The following ASAP1 variants were observed in gnomAD, a reference collection of about 807,000 sequenced individuals.
The protein encoded by ASAP1 is arf-GAP with SH3 domain, ANK repeat and PH domain-containing protein 1.
In ASAP1, 43 loss-of-function variants were observed where a neutral mutation model predicts 145.2. The ratio of observed to expected loss-of-function variants is 0.30; its 90% CI spans 0.23 to 0.38. ASAP1 has a LOEUF of 0.38. Ranked by LOEUF, ASAP1 falls within the 10% of genes least tolerant of loss-of-function variation. The pLI is 1.00. For missense variants in ASAP1, 1,018 were observed against 1,355.3 expected, an observed-to-expected ratio of 0.75 and a Z score of 3.91; for synonymous variants, 546 against 515.5, an observed-to-expected ratio of 1.06 and a Z score of -0.80.
intron 11 of ASAP1, among the ~76,000 whole-genome samples, chr8:130,161,278 G>T (rs1030912060): frequency 2.6e-5 from 4 of 152,092 alleles, no homozygotes; most frequent in African/African-American, 7.2e-5. Context: ...TAGTGTCGAG[G>T]TAAGCTGAAC....
chr8:130,387,016 T>A (rs1473578643), intron 2 of ASAP1: 1 of 152,202 alleles, frequency 6.6e-6, no homozygotes, highest in Non-Finnish European at 1.5e-5. Context: ...CAAAAAGTTA[T>A]CCCACGTTTT....
intron 3 of ASAP1, among the ~76,000 whole-genome samples, chr8:130,338,067 C>T (rs1029192114): frequency 2.0e-5 from 3 of 152,182 alleles, no homozygotes; most frequent in Admixed American, 2.0e-4. Context: ...TGCCCTAGAT[C>T]ACATATTTGG....
chr8:130,276,728 A>ACACACTCTCTCTCTCTCTCTCTCTCTCT (rs548512902), intron 3 of ASAP1, among the ~76,000 whole-genome samples: 6 of 87,312 alleles, frequency 6.9e-5, no homozygotes, highest in Non-Finnish European at 4.4e-5. Context: ...ACACACACAC[A>ACACACTCTCTCTCTCTCTCTCTCTCTCT]CTCTCTCTCT....
chr8:130,152,811 G>C lies in ASAP1; in HGVS notation c.1011-6C>G, dbSNP rs561824153. 2.5e-6 allele frequency: 4 copies of C among 1,605,500 alleles called. No homozygotes were observed. The East Asian group carries it at 8.9e-5, about 36-fold the overall frequency. On this transcript the variant is annotated splice_polypyrimidine_tract_variant and splice_region_variant and intron_variant, in intron 12 of 29. Coordinates refer to ENST00000518721, the MANE Select transcript of ASAP1 (RefSeq NM_018482.4). ...TCTGCCATACTTTCCGGATCCTAAG[G>C]AGGAAGTCAAACACAACTAGATATA...
intron 27 of ASAP1, among the ~76,000 whole-genome samples, chr8:130,074,933 A>G (rs2097458904): frequency 6.6e-6 from 1 of 152,122 alleles, no homozygotes; most frequent in African/African-American, 2.4e-5. Flanking sequence ...GAGCTGAGGG[A>G]GCACATCAGG....
At chr8:130,396,798 G>A (rs1828551246) in intron 2 of ASAP1, among the ~76,000 whole-genome samples, 2 of 152,204 alleles carry the variant, frequency 1.3e-5, no homozygotes, top group Admixed American at 6.5e-5. Flanking sequence ...ATAATGACAG[G>A]GCGTCTGCTT....
intron 3 of ASAP1, among the ~76,000 whole-genome samples, chr8:130,334,637 G>A (rs945970303): frequency 4.6e-5 from 7 of 152,050 alleles, no homozygotes; most frequent in African/African-American, 1.4e-4. Flanking sequence ...AATTCAGAGG[G>A]AAAAAAACAC....
chr8:130,108,634 A>G (rs1023026833), intron 24 of ASAP1, among the ~76,000 whole-genome samples: 4 of 152,114 alleles, frequency 2.6e-5, no homozygotes, highest in Non-Finnish European at 4.4e-5. Context: ...CCCTGTCCCT[A>G]CTAAAAATAC....
intron 2 of ASAP1, among the ~76,000 whole-genome samples, chr8:130,396,120 T>C (rs80058714): frequency 0.041 from 6,224 of 152,230 alleles, 185 homozygotes; most frequent in African/African-American, 0.091. Flanking sequence ...CCCTGGCACT[T>C]AGTAGGTCGT....
intron 17 of ASAP1, among the ~76,000 whole-genome samples, chr8:130,124,476 G>T (rs1257442561): frequency 1.3e-5 from 2 of 152,184 alleles, no homozygotes; most frequent in Non-Finnish European, 2.9e-5. Context: ...GTGAGTCTAG[G>T]TTAAACTTTT....
chr8:130,416,180 G>T (rs959876420), intron 1 of ASAP1, among the ~76,000 whole-genome samples: 2 of 152,136 alleles, frequency 1.3e-5, no homozygotes, highest in Admixed American at 6.5e-5. Context: ...CCCCACTAGT[G>T]TCGCCAACTC....
Position 130,060,860 on chromosome 8 carries a change from G to A in ASAP1, c.2911C>T (p.Leu971=), listed in dbSNP as rs764321312. ...ELPPKPQLGD[L]PPKPQLSDLP... ...TCTGAGAGTTGGGGTTTGGGTGGCA[G>A]GTCCCCCAGCTGTGGTTTGGGGGGC... Residue 971 remains leucine (L), a synonymous_variant, in exon 28 of 30, where the codon CTG becomes TTG. Transcript: ENST00000518721. 2 of 1,613,958 alleles carry A rather than the reference G, an allele frequency of 1.2e-6. No individual in the cohort carries two copies. Among genetic ancestry groups the A allele is most frequent in the East Asian group, 4.5e-5 (2 of 44,872 alleles).
rs192256665 is a variant in ASAP1 at position 130,055,349 on chromosome 8, C to G, written c.3316-544G>C. On this transcript the variant is annotated intron_variant, in intron 29 of 29. Coordinates refer to ENST00000518721, the MANE Select transcript of ASAP1 (RefSeq NM_018482.4). Reference sequence around the variant, plus strand: ...AGGCTGCTATGGCACCTGGCCAATCCCAGTACTATTACCTATTCCTAGTTG... The same window carrying G: ...AGGCTGCTATGGCACCTGGCCAATCGCAGTACTATTACCTATTCCTAGTTG... Among the ~76,000 whole-genome samples the G allele has an allele frequency of 5.6e-4, 85 of 151,252 alleles. 1 individual carries two copies. Among genetic ancestry groups the G allele is most frequent in the Admixed American group, 5.4e-3 (82 of 15,190 alleles).
rs541744473 is a variant in ASAP1 at position 130,356,545 on chromosome 8, G to C, written c.186+1472C>G. Among the ~76,000 whole-genome samples, 3 of 151,930 alleles carry C rather than the reference G, an allele frequency of 2.0e-5. No individual in the cohort carries two copies. In the South Asian group the frequency reaches 6.2e-4, roughly 32 times the overall value. The stretch of plus-strand genomic sequence containing the variant: ...GGCAGTTCACAAAGACAAAAAAAAA[G>C]AAAAAAGAAAAGAAAAAATCCATTT... On this transcript the variant is annotated intron_variant, in intron 3 of 29. Transcript: ENST00000518721.
intron 3 of ASAP1, among the ~76,000 whole-genome samples, chr8:130,312,753 T>TG (rs772948769): frequency 1.8e-4 from 28 of 152,366 alleles, no homozygotes; most frequent in South Asian, 4.1e-4. Context: ...GTTCAACCAC[T>TG]GTAGTAACAA....
chr8:130,258,819 C>T (rs1360424985), intron 3 of ASAP1, among the ~76,000 whole-genome samples: 1 of 152,184 alleles, frequency 6.6e-6, no homozygotes, highest in Non-Finnish European at 1.5e-5. Context: ...AAATAGATAA[C>T]ATACGTGGTG....
chr8:130,327,133 TTC>T (rs1438451466), intron 3 of ASAP1, among the ~76,000 whole-genome samples: 1 of 152,196 alleles, frequency 6.6e-6, no homozygotes, highest in African/African-American at 2.4e-5. Context: ...CACTCTATCT[TTC>T]TGAGCAGATG....
Position 130,112,230 on chromosome 8 carries a change from T to A in ASAP1, c.2265A>T (p.Gly755=), listed in dbSNP as rs369250753. 6.2e-7 allele frequency: 1 copy of A among 1,614,172 alleles called. No homozygotes were observed. The highest frequency in any genetic ancestry group is 8.5e-7 in the Non-Finnish European group (1 of 1,180,022). The change falls in exon 24 of 30, where the codon GGA becomes GGT. Residue 755 remains glycine (G), a synonymous_variant. Coordinates refer to ENST00000518721, the MANE Select transcript of ASAP1 (RefSeq NM_018482.4). Reference sequence around the variant, plus strand: ...GCTGTTTGTCCCTTGGAGTGCTGAATCCTGGCAGTGCCAGCTTGTCCTGGG... The same window carrying A: ...GCTGTTTGTCCCTTGGAGTGCTGAAACCTGGCAGTGCCAGCTTGTCCTGGG... ...ISPQDKLALP[G]FSTPRDKQRL...
chr8:130,095,926 T>C (rs1307501066), intron 24 of ASAP1, among the ~76,000 whole-genome samples: 1 of 152,186 alleles, frequency 6.6e-6, no homozygotes, highest in Non-Finnish European at 1.5e-5. Context: ...GCCAGGCCAG[T>C]AATTCTTAAG....
Sources: gnomAD v4.1 joint callset for allele counts (sites outside exome capture counted in the v4.1 genomes callset) on GRCh38, gnomAD v4.1.1 for gene constraint, MANE v1.5 for transcripts, NCBI Gene and HGNC (gene_info 2026-07-23, HGNC 2026-07-21) for gene names.